DOCK3: variants seen among roughly 807,000 people sequenced by gnomAD.
DOCK3 encodes the protein dedicator of cytokinesis protein 3.
A neutral mutation model predicts 265.6 loss-of-function variants in DOCK3; 60 were observed. The observed-to-expected ratio is 0.23, with a 90% CI of 0.18 to 0.28. The LOEUF is 0.28. Among genes scored for constraint, DOCK3 ranks in the 10% least tolerant of loss-of-function variants. DOCK3 has a pLI of 1.00. For synonymous variants in DOCK3, 881 were observed against 938.0 expected (o/e 0.94, Z 1.11); for missense variants, 1,981 against 2,594.3 (o/e 0.76, Z 5.14).
rs570317337 is a variant in DOCK3, at chr3:51,023,700, C to A, written c.316-40748C>A. On this transcript the variant is annotated intron_variant, in intron 5 of 52. Coordinates refer to ENST00000266037, the MANE Select transcript of DOCK3 (RefSeq NM_004947.5). Reference sequence around the variant, plus strand: ...CAAAGTGCTGGGATTTGGCATGAGCCATCAGGCCTGGTCTGATTGATTTTT... The same window carrying A: ...CAAAGTGCTGGGATTTGGCATGAGCAATCAGGCCTGGTCTGATTGATTTTT... Among the ~76,000 whole-genome samples the A allele has an allele frequency of 6.6e-5, 10 of 152,282 alleles. No homozygotes were observed. The East Asian group carries it at 1.9e-3, about 29-fold the overall frequency.
At chr3:50,927,510 A>G (rs1206707605) in intron 4 of DOCK3, among the ~76,000 whole-genome samples, 1 of 152,238 alleles carries the variant, frequency 6.6e-6, no homozygotes, top group Non-Finnish European at 1.5e-5. Flanking sequence ...TTGTGTGCTT[A>G]TATCAGAATA....
intron 12 of DOCK3, among the ~76,000 whole-genome samples, chr3:51,164,652 C>T (rs2086298146): frequency 6.7e-6 from 1 of 148,852 alleles, no homozygotes; most frequent in African/African-American, 2.5e-5. Context: ...GGAGGAGAGT[C>T]AGAGAATGCC....
intron 12 of DOCK3, among the ~76,000 whole-genome samples, chr3:51,192,063 CT>C (rs2087979929): frequency 6.6e-6 from 1 of 150,958 alleles, no homozygotes; most frequent in African/African-American, 2.4e-5. Flanking sequence ...ACAACATCCC[CT>C]TTTGCTGTGC....
intron 38 of DOCK3, among the ~76,000 whole-genome samples, chr3:51,348,029 G>T (rs1003518452): frequency 1.3e-5 from 2 of 152,146 alleles, no homozygotes; most frequent in Non-Finnish European, 2.9e-5. Flanking sequence ...TCAGCTTAAG[G>T]AGATTTTGGG....
At chr3:51,162,860 ATATGTT>A (rs931762335) in intron 12 of DOCK3, among the ~76,000 whole-genome samples, 7 of 152,338 alleles carry the variant, frequency 4.6e-5, no homozygotes, top group African/African-American at 1.7e-4. Flanking sequence ...GATGAAAAAA[ATATGTT>A]TATAGAGAAG....
intron 27 of DOCK3, among the ~76,000 whole-genome samples, chr3:51,293,226 A>T (rs1278239518): frequency 6.6e-6 from 1 of 152,196 alleles, no homozygotes; most frequent in African/African-American, 2.4e-5. Flanking sequence ...ATTTCAAAGC[A>T]TATTACAAAA....
intron 1 of DOCK3, among the ~76,000 whole-genome samples, chr3:50,742,308 C>T (rs937917088): frequency 1.3e-5 from 2 of 152,098 alleles, no homozygotes; most frequent in Non-Finnish European, 1.5e-5. Context: ...TCCAAAGGAA[C>T]GCAGCTCCTC....
At chr3:50,910,935 C>T (rs2049821261) in intron 4 of DOCK3, among the ~76,000 whole-genome samples, 1 of 151,838 alleles carries the variant, frequency 6.6e-6, no homozygotes, top group South Asian at 2.1e-4. Context: ...TTTGGTGTTC[C>T]TGCAGAGGAT....
rs574693126 is a variant in DOCK3 at position 51,308,868 on chromosome 3, G to A, written c.2923-1364G>A. Among the ~76,000 whole-genome samples, 17 of 151,726 alleles carry A rather than the reference G, an allele frequency of 1.1e-4. No homozygotes were observed. In the South Asian group the frequency reaches 2.7e-3, roughly 24 times the overall value. The stretch of plus-strand genomic sequence containing the variant: ...CGGAGGGGCTCCTCACTTCTCAGAC[G>A]GGGCGGCTGCCGGGCGGAGGGTCTC... On this transcript the variant is annotated intron_variant, in intron 27 of 52. Coordinates refer to ENST00000266037, the MANE Select transcript of DOCK3 (RefSeq NM_004947.5).
intron 4 of DOCK3, among the ~76,000 whole-genome samples, chr3:50,931,104 C>T (rs1202332914): frequency 6.6e-6 from 1 of 152,172 alleles, no homozygotes; most frequent in African/African-American, 2.4e-5. Context: ...ACTCCTGCTG[C>T]CACCGCCCAT....
At chr3:51,085,356 G>A (rs952007857) in intron 7 of DOCK3, among the ~76,000 whole-genome samples, 2 of 152,134 alleles carry the variant, frequency 1.3e-5, no homozygotes, top group Non-Finnish European at 2.9e-5. Context: ...TCATTCAACA[G>A]TATAGAGCAC....
At chr3:51,252,079 T>C (rs1487846342) in intron 22 of DOCK3, among the ~76,000 whole-genome samples, 2 of 152,230 alleles carry the variant, frequency 1.3e-5, no homozygotes, top group Non-Finnish European at 2.9e-5. Flanking sequence ...TTTCTACATA[T>C]GGCTAGCCAG....
At chr3:50,977,638 C>G (rs886197371) in intron 5 of DOCK3, among the ~76,000 whole-genome samples, 1 of 152,066 alleles carries the variant, frequency 6.6e-6, no homozygotes, top group African/African-American at 2.4e-5. Context: ...TTGCTCTTCT[C>G]GAGGAGTATC....
intron 9 of DOCK3, among the ~76,000 whole-genome samples, chr3:51,117,936 G>A (rs943896011): frequency 2.6e-5 from 4 of 152,086 alleles, no homozygotes; most frequent in Non-Finnish European, 5.9e-5. Context: ...TTTTTGAAGA[G>A]AATTTTGTGT....
At chr3:51,214,910 A>G (rs2089700678) in intron 14 of DOCK3, among the ~76,000 whole-genome samples, 1 of 152,296 alleles carries the variant, frequency 6.6e-6, no homozygotes, top group Non-Finnish European at 1.5e-5. Flanking sequence ...AGACATGGGT[A>G]GGGCTGGAAA....
At chr3:51,023,030 C>A (rs2079660692) in intron 5 of DOCK3, among the ~76,000 whole-genome samples, 1 of 152,086 alleles carries the variant, frequency 6.6e-6, no homozygotes, top group Admixed American at 6.6e-5. Flanking sequence ...TGTGCCTTGG[C>A]TATGGTCTTT....
intron 9 of DOCK3, among the ~76,000 whole-genome samples, chr3:51,120,860 G>A (rs1384166448): frequency 6.6e-6 from 1 of 152,138 alleles, no homozygotes; most frequent in African/African-American, 2.4e-5. Context: ...CTTGTGCGCT[G>A]GCAGCAAGAA....
chr3:51,020,868 G>C (rs1042614954), intron 5 of DOCK3, among the ~76,000 whole-genome samples: 2 of 151,854 alleles, frequency 1.3e-5, no homozygotes, highest in Non-Finnish European at 2.9e-5. Context: ...TTTGGTTACT[G>C]TAGCCCTGTA....
rs181201919 is a variant in DOCK3, at chr3:50,930,111, T to A, written c.219-3870T>A. ...GCCAAATTATCATAAGTCCTACGTCTTAGAACTTTAAAATAGGAACACTCT... is the reference window on the plus strand; with the variant it reads ...GCCAAATTATCATAAGTCCTACGTCATAGAACTTTAAAATAGGAACACTCT... On this transcript the variant is annotated intron_variant, in intron 4 of 52. Transcript: ENST00000266037. 2.2e-3 allele frequency among the ~76,000 whole-genome samples: 339 copies of A among 152,344 alleles called. 1 individual carries two copies. The highest frequency in any genetic ancestry group is 7.9e-3 in the African/African-American group (329 of 41,574).
Sources: allele counts gnomAD v4.1 joint callset (sites outside exome capture counted in the v4.1 genomes callset), GRCh38; gene constraint gnomAD v4.1.1; transcripts MANE v1.5; gene names NCBI Gene and HGNC (gene_info 2026-07-23, HGNC 2026-07-21).